GRK5: variants seen among roughly 807,000 people sequenced by gnomAD.
GRK5 encodes the protein G protein-coupled receptor kinase 5.
GRK5 carries 40 observed loss-of-function variants against 78.4 expected under a neutral mutation model. The ratio of observed to expected loss-of-function variants is 0.51; its 90% CI spans 0.40 to 0.66. The LOEUF (loss-of-function observed/expected upper bound fraction) is 0.66. Ranked by LOEUF, GRK5 falls within the 30% of genes least tolerant of loss-of-function variation. The pLI, the probability that GRK5 is intolerant of heterozygous loss-of-function variation, is 0.00. For synonymous variants in GRK5, 289 were observed against 296.8 expected (o/e 0.97, Z 0.27); for missense variants, 598 against 759.9 (o/e 0.79, Z 2.50).
rs1564878623 is a variant in GRK5, at chr10:119,290,371, C to CAAAAAAAAAAAA, written c.53-36143_53-36142insAAAAAAAAAAAA. ...CAAAAAAAAAAAAAAAAACAAAAAA[C>CAAAAAAAAAAAA]AACTCTGTCCCCTTCTCCCTGTGGC... On this transcript the variant is annotated intron_variant, in intron 1 of 15. Coordinates refer to ENST00000392870, the MANE Select transcript of GRK5 (RefSeq NM_005308.3). Among the ~76,000 whole-genome samples, 852 of 98,230 alleles carry CAAAAAAAAAAAA rather than the reference C, an allele frequency of 8.7e-3. 14 individuals carry two copies. Among genetic ancestry groups the CAAAAAAAAAAAA allele is most frequent in the African/African-American group, 0.033 (811 of 24,906 alleles). 64.4% of individuals were successfully genotyped at this position (98,230 alleles called of 152,430 possible).
chr10:119,450,140 T>C (rs1853245422), intron 13 of GRK5, among the ~76,000 whole-genome samples: 1 of 152,148 alleles, frequency 6.6e-6, no homozygotes, highest in Non-Finnish European at 1.5e-5. Flanking sequence ...CCACATAGTG[T>C]TGAGTGCATG....
chr10:119,311,907 A>G (rs1589736922), intron 1 of GRK5, among the ~76,000 whole-genome samples: 2 of 134,868 alleles, frequency 1.5e-5, no homozygotes, highest in Admixed American at 1.7e-4. Context: ...ATGCTACTGA[A>G]TTGTTCATTT....
At chr10:119,404,571 G>A (rs572596971) in intron 4 of GRK5, among the ~76,000 whole-genome samples, 86 of 152,224 alleles carry the variant, frequency 5.6e-4, no homozygotes, top group African/African-American at 2.0e-3. Flanking sequence ...TTTTCATTTT[G>A]TCTTACCTGT....
intron 11 of GRK5, among the ~76,000 whole-genome samples, chr10:119,442,688 C>T (rs10886485): frequency 0.38 from 57,236 of 152,212 alleles, 12,820 homozygotes; most frequent in Non-Finnish European, 0.47. Flanking sequence ...CTGAGAGGCG[C>T]GTGCCCGGGG....
At chr10:119,443,795 C>T (rs1264294210) in intron 12 of GRK5, 43 bp downstream of exon 12, 3 of 1,511,220 alleles carry the variant, frequency 2.0e-6, no homozygotes, top group Non-Finnish European at 2.7e-6. Context: ...GCTGGTGGCT[C>T]CCCTCCCTGG....
In GRK5 at chr10:119,278,901, G is replaced by A. The variant is rs554429182; in HGVS notation, c.53-47615G>A. Among the ~76,000 whole-genome samples the A allele has an allele frequency of 7.2e-5, 11 of 152,158 alleles. 1 individual carries two copies. Among genetic ancestry groups the A allele is most frequent in the East Asian group, 1.9e-4 (1 of 5,164 alleles). On this transcript the variant is annotated intron_variant, in intron 1 of 15. Coordinates refer to ENST00000392870, the MANE Select transcript of GRK5 (RefSeq NM_005308.3). ...TGACCTCTTCTTTTTTCTTCAAGAC[G>A]GAGTCTCGCTCTGTTGCCCAGGCTG...
intron 6 of GRK5, among the ~76,000 whole-genome samples, chr10:119,425,692 T>C (rs1257872489): frequency 6.6e-6 from 1 of 152,250 alleles, no homozygotes; most frequent in Non-Finnish European, 1.5e-5. Context: ...TCTTTTCCTA[T>C]CCCGTGAGTG....
rs1055320111 is a variant in GRK5, at chr10:119,336,894, G to A, written c.148+10283G>A. Among the ~76,000 whole-genome samples, 28 of 152,178 alleles carry A rather than the reference G, an allele frequency of 1.8e-4. No individual in the cohort carries two copies. Among genetic ancestry groups the A allele is most frequent in the Non-Finnish European group, 7.3e-5 (5 of 68,038 alleles). Reference sequence around the variant, plus strand: ...CAGCTGGAGCTCTCAGGAGGGAAGGGTGGCCCCGCTGTCTTTGCGGTGTTA... The same window carrying A: ...CAGCTGGAGCTCTCAGGAGGGAAGGATGGCCCCGCTGTCTTTGCGGTGTTA... On this transcript the variant is annotated intron_variant, in intron 2 of 15. Coordinates refer to ENST00000392870, the MANE Select transcript of GRK5 (RefSeq NM_005308.3). The surrounding 1 kb of genome is among the most constrained non-coding windows in gnomAD (Gnocchi z 4.5).
intron 9 of GRK5, among the ~76,000 whole-genome samples, chr10:119,439,009 G>T (rs1365203280): frequency 3.3e-5 from 5 of 152,210 alleles, no homozygotes; most frequent in African/African-American, 1.2e-4. Context: ...TGTACTGTTT[G>T]CCCCATGGCT....
At chr10:119,306,502 T>C (rs1009132628) in intron 1 of GRK5, among the ~76,000 whole-genome samples, 4 of 152,114 alleles carry the variant, frequency 2.6e-5, no homozygotes, top group African/African-American at 9.7e-5. Context: ...TGATGTGAAA[T>C]GGAAGCCCAG....
At chr10:119,265,483 TAGA>T (rs904450730) in intron 1 of GRK5, among the ~76,000 whole-genome samples, 21 of 152,164 alleles carry the variant, frequency 1.4e-4, no homozygotes, top group Admixed American at 2.6e-4. Context: ...TTAGTGCCTT[TAGA>T]AGAAGAAGAA....
intron 8 of GRK5, 143 bp from the exon 9 acceptor site, chr10:119,436,508 A>G: frequency 1.3e-6 from 1 of 747,374 alleles, no homozygotes; most frequent in African/African-American, 1.8e-5. Flanking sequence ...AGGCAGGGTC[A>G]CCGCAGAGGC....
intron 1 of GRK5, among the ~76,000 whole-genome samples, chr10:119,325,450 A>G (rs899291106): frequency 1.3e-5 from 2 of 152,022 alleles, no homozygotes; most frequent in East Asian, 3.9e-4. Flanking sequence ...GGTTCCTGGG[A>G]GGGTGACAGA....
chr10:119,248,669 C>T (rs1849151796), intron 1 of GRK5, among the ~76,000 whole-genome samples: 1 of 151,716 alleles, frequency 6.6e-6, no homozygotes, highest in Non-Finnish European at 1.5e-5. Context: ...TTCTGTAGGG[C>T]CTGTGAGGCA....
At chr10:119,394,348 ATGTGGG>A (rs1851974073) in intron 3 of GRK5, among the ~76,000 whole-genome samples, 3 of 33,172 alleles carry the variant, frequency 9.0e-5, no homozygotes, top group African/African-American at 3.1e-4. Flanking sequence ...GTGTGTGGGC[ATGTGGG>A]TGTGTGGGTG....
In GRK5 at chr10:119,303,468, G is replaced by A. The variant is rs140309437; in HGVS notation, c.53-23048G>A. On this transcript the variant is annotated intron_variant, in intron 1 of 15. Coordinates refer to ENST00000392870, the MANE Select transcript of GRK5 (RefSeq NM_005308.3). ...ACAGCCAGCAGGGCGAAGGCTGTGC[G>A]ATGAGCATGAGCCGCAAGGGTCTCC... is the stretch of plus-strand genomic sequence containing the variant. Among the ~76,000 whole-genome samples, 609 of 152,298 alleles carry A rather than the reference G, an allele frequency of 4.0e-3. 5 individuals carry two copies. Among genetic ancestry groups the A allele is most frequent in the African/African-American group, 0.014 (574 of 41,560 alleles).
chr10:119,395,555 T>C (rs541913616), intron 3 of GRK5, among the ~76,000 whole-genome samples: 68 of 152,326 alleles, frequency 4.5e-4, no homozygotes, highest in Non-Finnish European at 7.2e-4. Context: ...GGGTGGTGGA[T>C]TTTGAAATGG....
chr10:119,207,642 AGGGTGGG>A lies in GRK5; in HGVS notation c.-265_-259del. ...AGAATGGAGTGACAGAGACACGCGGAGGGTGGGGGGTGGGGGGGAGCGTGTTGAGGGA... is the reference window on the plus strand; with the variant it reads ...AGAATGGAGTGACAGAGACACGCGGAGGGTGGGGGGGAGCGTGTTGAGGGA... On this transcript the variant is annotated 5_prime_UTR_variant, in exon 1 of 16. Coordinates refer to ENST00000392870, the MANE Select transcript of GRK5 (RefSeq NM_005308.3). 4.3e-6 allele frequency: 1 copy of A among 230,598 alleles called. No homozygotes were observed. Among genetic ancestry groups the A allele is most frequent in the South Asian group, 3.0e-5 (1 of 33,388 alleles). 14.3% of individuals were successfully genotyped at this position (230,598 alleles called of 1,614,324 possible).
At chr10:119,444,959 G>A (rs184764624) in intron 12 of GRK5, among the ~76,000 whole-genome samples, 64 of 152,284 alleles carry the variant, frequency 4.2e-4, no homozygotes, top group Admixed American at 7.2e-4. Flanking sequence ...GGTCTGGCTC[G>A]GCTCCTCACC....
Sources: allele counts gnomAD v4.1 joint callset (sites outside exome capture counted in the v4.1 genomes callset), GRCh38; gene constraint gnomAD v4.1.1; non-coding constraint Gnocchi (gnomAD v3.1); transcripts MANE v1.5; gene names NCBI Gene and HGNC (gene_info 2026-07-23, HGNC 2026-07-21).